The following ABLIM2 variants were observed in gnomAD, a reference collection of about 807,000 sequenced individuals.
ABLIM2 encodes actin binding LIM protein family member 2.
A neutral mutation model predicts 97.7 loss-of-function variants in ABLIM2; 53 were observed. The observed-to-expected ratio is 0.54, with a 90% confidence interval of 0.44 to 0.68. The LOEUF is 0.68. ABLIM2 is among the 30% of genes least tolerant of loss of function. The pLI is 0.00. For missense variants in ABLIM2, 835 were observed against 867.2 expected (o/e 0.96, Z 0.47); for synonymous variants, 361 against 345.8 (o/e 1.04, Z -0.49).
At chr4:7,982,910 C>A (rs1739956860) in intron 20 of ABLIM2, among the ~76,000 whole-genome samples, 1 of 152,132 alleles carries the variant, frequency 6.6e-6, no homozygotes, top group African/African-American at 2.4e-5. Context: ...ACCATGTTGG[C>A]CAGGCTGGTC....
chr4:8,050,227 C>T (rs893505688), intron 8 of ABLIM2, among the ~76,000 whole-genome samples: 1 of 152,194 alleles, frequency 6.6e-6, no homozygotes, highest in Non-Finnish European at 1.5e-5. Flanking sequence ...CATGGTCACT[C>T]ATATTTGACT....
In ABLIM2 at chr4:8,031,957, C is replaced by T. The variant is rs572922834; in HGVS notation, c.1048-2181G>A. ...GGCCAGGCTGGTCTCGAACTCCTGA[C>T]CTCTGGTGATCCGCCCACCTCGGCC... On this transcript the variant is annotated intron_variant, in intron 10 of 20. Transcript: ENST00000447017. Among the ~76,000 whole-genome samples the T allele has an allele frequency of 6.7e-3, 1,023 of 152,106 alleles. 14 individuals are homozygous for T. Among genetic ancestry groups the T allele is most frequent in the Non-Finnish European group, 0.01 (705 of 67,996 alleles).
At position 8,002,111 on chromosome 4, in the gene ABLIM2, G is replaced by A. The variant is rs1365135786; in HGVS notation, c.1618+5948C>T. ...CCACGTACTCACAGTTGGAGTGGCT[G>A]GGGCTACCAACTCCCACGGTTCCAG... On this transcript the variant is annotated intron_variant, in intron 16 of 20. Coordinates refer to ENST00000447017, the MANE Select transcript of ABLIM2 (RefSeq NM_001130083.2). This position sits in a 1 kb window ranked among gnomAD's most constrained non-coding sequence, Gnocchi z 6.1. 1.3e-5 allele frequency among the ~76,000 whole-genome samples: 2 copies of A among 152,170 alleles called. No individual in the cohort carries two copies. The highest frequency in any genetic ancestry group is 2.9e-5 in the Non-Finnish European group (2 of 68,028).
At chr4:8,034,134 T>C (rs1782703417) in intron 10 of ABLIM2, among the ~76,000 whole-genome samples, 1 of 152,188 alleles carries the variant, frequency 6.6e-6, no homozygotes, top group Non-Finnish European at 1.5e-5. Flanking sequence ...ATTTGGGTCT[T>C]AGCCCTGTGG....
intron 1 of ABLIM2, among the ~76,000 whole-genome samples, chr4:8,129,946 G>A (rs1849132233): frequency 6.6e-6 from 1 of 152,258 alleles, no homozygotes; most frequent in African/African-American, 2.4e-5. Context: ...CACCAGCCCA[G>A]GACGTGGGCC....
Position 7,980,904 on chromosome 4 carries a change from A to G in ABLIM2, c.1824+2360T>C, listed in dbSNP as rs1226669214. ...TAAGGAAGGCCACCTATGAGACTTC[A>G]TCTACGTAATAAGAACCATGGTCTC... is the stretch of plus-strand genomic sequence containing the variant. On this transcript the variant is annotated intron_variant, in intron 20 of 20. Transcript: ENST00000447017. Among the ~76,000 whole-genome samples, 4 of 147,788 alleles carry G rather than the reference A, an allele frequency of 2.7e-5. No homozygotes were observed. In the Admixed American group the frequency reaches 2.7e-4, roughly 10 times the overall value.
intron 17 of ABLIM2, among the ~76,000 whole-genome samples, chr4:7,988,790 T>G (rs1746418357): frequency 6.6e-6 from 1 of 152,158 alleles, no homozygotes; most frequent in African/African-American, 2.4e-5. Flanking sequence ...CTCAGAAAAT[T>G]TAAGTAACTT....
chr4:8,017,570 G>C (rs1312067296), intron 14 of ABLIM2, among the ~76,000 whole-genome samples: 2 of 152,062 alleles, frequency 1.3e-5, no homozygotes, highest in Non-Finnish European at 2.9e-5. Context: ...TTACAGGTGT[G>C]AGCCACCACA....
intron 1 of ABLIM2, among the ~76,000 whole-genome samples, chr4:8,117,369 TACAGACTCCACCCACC>T (rs1473471031): frequency 6.6e-6 from 1 of 152,032 alleles, no homozygotes; most frequent in Non-Finnish European, 1.5e-5. Context: ...AAGTCACACC[TACAGACTCCACCCACC>T]ACAGACTCCA....
rs752818005 is a variant in ABLIM2, at chr4:8,043,157, C to T, written c.900+2007G>A. On this transcript the variant is annotated intron_variant, in intron 9 of 20. Transcript: ENST00000447017. The surrounding 1 kb of genome is among the most constrained non-coding windows in gnomAD (Gnocchi z 4.8). ...ACAGAGCCAGACCTTGTCTCAAAAC[C>T]AAAACTAAAAAGGACAGTCCTCCCT... Among the ~76,000 whole-genome samples, 1 of 152,046 alleles carries T rather than the reference C, an allele frequency of 6.6e-6. No individual in the cohort carries two copies. The highest frequency in any genetic ancestry group is 1.5e-5 in the Non-Finnish European group (1 of 68,008).
At chr4:8,020,436 C>G in intron 12 of ABLIM2, 133 bp from the exon 13 acceptor site, 4 of 812,268 alleles carry the variant, frequency 4.9e-6, no homozygotes, top group Non-Finnish European at 8.3e-6. Flanking sequence ...GATCCCCTGC[C>G]CAGGGGAAGG....
rs1194027456 is a variant in ABLIM2, at chr4:8,083,989, C to T, written c.455-3187G>A. ...AGCTGGAGCTCAGGGGGTGCAGGTG[C>T]AGGAGCCAGACCCCCTCTGCAGCAC... On this transcript the variant is annotated intron_variant, in intron 4 of 20. Coordinates refer to ENST00000447017, the MANE Select transcript of ABLIM2 (RefSeq NM_001130083.2). This position sits in a 1 kb window ranked among gnomAD's most constrained non-coding sequence, Gnocchi z 4.6. 1.3e-5 allele frequency among the ~76,000 whole-genome samples: 2 copies of T among 151,988 alleles called. No homozygotes were observed. Among genetic ancestry groups the T allele is most frequent in the Admixed American group, 1.3e-4 (2 of 15,272 alleles).
intron 16 of ABLIM2, 32 bp downstream of exon 16, chr4:8,008,027 A>G: frequency 6.2e-7 from 1 of 1,610,980 alleles, no homozygotes. Flanking sequence ...TTTTGTGCAC[A>G]TCACGGCTCC....
At position 7,998,063 on chromosome 4, in the gene ABLIM2, T is replaced by G. The variant is rs1195151460; in HGVS notation, c.1619-5136A>C. ...TGCCCGGCTGATTTTGTATTTTTAGTAGAGACGGGGTTTCTCCATGTTGAT... is the reference window on the plus strand; with the variant it reads ...TGCCCGGCTGATTTTGTATTTTTAGGAGAGACGGGGTTTCTCCATGTTGAT... On this transcript the variant is annotated intron_variant, in intron 16 of 20. Coordinates refer to ENST00000447017, the MANE Select transcript of ABLIM2 (RefSeq NM_001130083.2). This position sits in a 1 kb window ranked among gnomAD's most constrained non-coding sequence, Gnocchi z 6.4. Among the ~76,000 whole-genome samples the G allele has an allele frequency of 2.0e-5, 3 of 152,042 alleles. No homozygotes were observed. Among genetic ancestry groups the G allele is most frequent in the Admixed American group, 1.3e-4 (2 of 15,264 alleles).
chr4:7,995,707 C>T (rs1475285008), intron 16 of ABLIM2, among the ~76,000 whole-genome samples: 2 of 152,222 alleles, frequency 1.3e-5, no homozygotes, highest in Non-Finnish European at 2.9e-5. Context: ...TCAAACTTCT[C>T]CTAGCGGAGG....
At chr4:7,971,949 G>T (rs1356374171) in intron 20 of ABLIM2, among the ~76,000 whole-genome samples, 3 of 152,114 alleles carry the variant, frequency 2.0e-5, no homozygotes, top group African/African-American at 4.8e-5. Flanking sequence ...TTCTCCCAAG[G>T]CCTGGGCTCC....
At chr4:8,062,283 C>T (rs908916062) in intron 6 of ABLIM2, among the ~76,000 whole-genome samples, 1 of 152,188 alleles carries the variant, frequency 6.6e-6, no homozygotes, top group African/African-American at 2.4e-5. Flanking sequence ...GTCTCTCAAG[C>T]GCAGGGCCTG....
chr4:8,145,745 T>TACACACACACACAC (rs34195989), intron 1 of ABLIM2, among the ~76,000 whole-genome samples: 24 of 138,678 alleles, frequency 1.7e-4, no homozygotes, highest in African/African-American at 5.9e-4. Context: ...TACACACTCA[T>TACACACACACACAC]ACACACACAC....
chr4:7,975,450 C>G (rs143594132), intron 20 of ABLIM2, among the ~76,000 whole-genome samples: 4 of 152,338 alleles, frequency 2.6e-5, no homozygotes, highest in African/African-American at 7.2e-5. Context: ...CTTATCCACT[C>G]TAACTGAACA....
Sources: allele counts gnomAD v4.1 joint callset (sites outside exome capture counted in the v4.1 genomes callset), GRCh38; gene constraint gnomAD v4.1.1; non-coding constraint Gnocchi (gnomAD v3.1); transcripts MANE v1.5; gene names NCBI Gene and HGNC (gene_info 2026-07-23, HGNC 2026-07-21).